STXBP6: variants seen among roughly 807,000 people sequenced by gnomAD.
The protein encoded by STXBP6 is syntaxin-binding protein 6.
STXBP6 carries 21 observed loss-of-function variants against 26.9 expected under a neutral mutation model. The observed-to-expected ratio is 0.78, with a 90% CI of 0.55 to 1.12. The LOEUF (loss-of-function observed/expected upper bound fraction) is 1.12, where lower values mean the gene tolerates loss of function less well. Ranked by LOEUF, STXBP6 falls within the 50% of genes most tolerant of loss-of-function variation. STXBP6 has a pLI of 0.00. For missense variants in STXBP6, 232 were observed against 257.9 expected (o/e 0.90, Z 0.69); for synonymous variants, 97 against 92.6 (o/e 1.05, Z -0.27).
At chr14:24,835,046 G>T (rs2068571875) in intron 4 of STXBP6, among the ~76,000 whole-genome samples, 1 of 152,192 alleles carries the variant, frequency 6.6e-6, no homozygotes, top group Non-Finnish European at 1.5e-5. Flanking sequence ...CTTACAGTTA[G>T]ATTGGTCATA....
Position 24,891,902 on chromosome 14 carries a change from C to T in STXBP6, c.155-34745G>A, listed in dbSNP as rs918231864. 3.9e-5 allele frequency among the ~76,000 whole-genome samples: 6 copies of T among 152,204 alleles called. No homozygotes were observed. The East Asian group carries it at 9.6e-4, about 24-fold the overall frequency. ...TCCTCTTCCTGGAATGACTTTCCTG[C>T]TCTTTCACTTTTTGTTAACCCCCAT... On this transcript the variant is annotated intron_variant, in intron 2 of 5. Coordinates refer to ENST00000323944, the MANE Select transcript of STXBP6 (RefSeq NM_001394410.1).
intron 2 of STXBP6, among the ~76,000 whole-genome samples, chr14:24,871,264 G>A (rs1005419676): frequency 1.3e-5 from 2 of 152,140 alleles, no homozygotes; most frequent in African/African-American, 4.8e-5. Context: ...AATCAAAGTA[G>A]AGCTAGGTGT....
intron 1 of STXBP6, among the ~76,000 whole-genome samples, chr14:24,981,431 C>T (rs113352098): frequency 6.6e-6 from 1 of 151,942 alleles, no homozygotes; most frequent in Non-Finnish European, 1.5e-5. Context: ...TCACCATGCC[C>T]GGCTAATTTT....
At chr14:24,963,712 T>G (rs1480517148) in intron 2 of STXBP6, among the ~76,000 whole-genome samples, 3 of 152,198 alleles carry the variant, frequency 2.0e-5, no homozygotes, top group African/African-American at 7.2e-5. Context: ...AAATGAACTC[T>G]TTCTTCAAGA....
At chr14:24,927,410 T>C (rs1209219257) in intron 2 of STXBP6, among the ~76,000 whole-genome samples, 2 of 152,104 alleles carry the variant, frequency 1.3e-5, no homozygotes, top group Non-Finnish European at 2.9e-5. Context: ...TAAAATAGAG[T>C]GAAGTGGAAA....
rs1355516188 is a variant in STXBP6, at chr14:25,049,480, TC to T, written c.-33+397del. On this transcript the variant is annotated intron_variant, in intron 1 of 5. Transcript: ENST00000323944. This position sits in a 1 kb window ranked among gnomAD's most constrained non-coding sequence, Gnocchi z 5.6. ...AGCTAGAGGCGCAGCGACCCCGAGC[TC>T]CCCCACACTGGGAGCCTCGGGGCAG... The T allele has an allele frequency of 2.0e-6, 2 of 984,250 alleles. No individual in the cohort carries two copies. Among genetic ancestry groups the T allele is most frequent in the South Asian group, 4.7e-5 (1 of 21,226 alleles). 61.0% of individuals were successfully genotyped at this position (984,250 alleles called of 1,614,324 possible).
intron 2 of STXBP6, among the ~76,000 whole-genome samples, chr14:24,911,375 A>G (rs2071567138): frequency 6.7e-6 from 1 of 148,554 alleles, no homozygotes; most frequent in Non-Finnish European, 1.5e-5. Context: ...GGAAAGAAAG[A>G]AGAGAGAGAG....
chr14:24,845,048 G>A (rs1372569476), intron 4 of STXBP6, among the ~76,000 whole-genome samples: 1 of 147,042 alleles, frequency 6.8e-6, no homozygotes, highest in Non-Finnish European at 1.5e-5. Flanking sequence ...GTCTCACTCT[G>A]TCGCCCAGGC....
intron 2 of STXBP6, among the ~76,000 whole-genome samples, chr14:24,910,685 G>C (rs2071540309): frequency 6.6e-6 from 1 of 152,174 alleles, no homozygotes; most frequent in Non-Finnish European, 1.5e-5. Flanking sequence ...TAGCTACTAA[G>C]ACCTAAGTTT....
In STXBP6 at chr14:25,029,235, A is replaced by G. The variant is rs1172898703; in HGVS notation, c.-33+20643T>C. On this transcript the variant is annotated intron_variant, in intron 1 of 5. Coordinates refer to ENST00000323944, the MANE Select transcript of STXBP6 (RefSeq NM_001394410.1). ...TGCAGGGAAATCTTACACGGAAGGA[A>G]GAGTCAATCAATGCAGCAAACTTCA... Among the ~76,000 whole-genome samples, 2 of 152,158 alleles carry G rather than the reference A, an allele frequency of 1.3e-5. 1 individual carries two copies. Among genetic ancestry groups the G allele is most frequent in the African/African-American group, 4.8e-5 (2 of 41,402 alleles).
At chr14:24,873,174 T>G (rs1374076819) in intron 2 of STXBP6, among the ~76,000 whole-genome samples, 1 of 152,178 alleles carries the variant, frequency 6.6e-6, no homozygotes, top group African/African-American at 2.4e-5. Flanking sequence ...TAAGCCTCCC[T>G]CAAATAAAAA....
intron 2 of STXBP6, among the ~76,000 whole-genome samples, chr14:24,925,812 C>A (rs565021628): frequency 1.3e-5 from 2 of 152,194 alleles, no homozygotes; most frequent in Non-Finnish European, 2.9e-5. Flanking sequence ...TAATTTCTAA[C>A]TCCCCCCTAC....
intron 4 of STXBP6, among the ~76,000 whole-genome samples, chr14:24,841,249 A>T (rs1297409956): frequency 6.6e-6 from 1 of 152,162 alleles, no homozygotes; most frequent in Non-Finnish European, 1.5e-5. Context: ...ATTGACAGTT[A>T]TTTCTGGAAC....
At chr14:24,913,509 C>T (rs150192496) in intron 2 of STXBP6, among the ~76,000 whole-genome samples, 33 of 152,198 alleles carry the variant, frequency 2.2e-4, no homozygotes, top group African/African-American at 7.5e-4. Context: ...ACAACAACAA[C>T]AACAACAAAG....
At position 25,005,859 on chromosome 14, in the gene STXBP6, A is replaced by G. The variant is rs113960390; in HGVS notation, c.-32-31009T>C. ...AAGAAAATTCAACATGTAAAAATGT[A>G]TATTACAGGGAAAGATTTTGGACAA... On this transcript the variant is annotated intron_variant, in intron 1 of 5. Transcript: ENST00000323944. Among the ~76,000 whole-genome samples the G allele has an allele frequency of 2.3e-3, 352 of 152,268 alleles. 2 individuals are homozygous for G. The highest frequency in any genetic ancestry group is 7.6e-3 in the African/African-American group (317 of 41,572).
intron 2 of STXBP6, among the ~76,000 whole-genome samples, chr14:24,869,166 G>A (rs1235940645): frequency 6.6e-6 from 1 of 152,018 alleles, no homozygotes; most frequent in Non-Finnish European, 1.5e-5. Context: ...TGTATGTACT[G>A]GTGACTGTGA....
intron 1 of STXBP6, among the ~76,000 whole-genome samples, chr14:25,037,465 G>A (rs1018812601): frequency 6.6e-6 from 1 of 152,206 alleles, no homozygotes; most frequent in Non-Finnish European, 1.5e-5. Flanking sequence ...ACTCAAAACA[G>A]ATTAAAAGAC....
intron 2 of STXBP6, among the ~76,000 whole-genome samples, chr14:24,882,416 A>AAAAAAAAAAG (rs2070405874): frequency 9.2e-6 from 1 of 108,692 alleles, no homozygotes; most frequent in African/African-American, 3.3e-5. Flanking sequence ...AAAAAAAAAG[A>AAAAAAAAAAG]GGGGCTTTCC....
chr14:24,830,182 G>A (rs1219003213), intron 4 of STXBP6, among the ~76,000 whole-genome samples: 1 of 151,966 alleles, frequency 6.6e-6, no homozygotes, highest in Non-Finnish European at 1.5e-5. Context: ...ATTAGATAGG[G>A]GCTTATAGAC....
Sources: allele counts gnomAD v4.1 joint callset (sites outside exome capture counted in the v4.1 genomes callset), GRCh38; gene constraint gnomAD v4.1.1; non-coding constraint Gnocchi (gnomAD v3.1); transcripts MANE v1.5; gene names NCBI Gene and HGNC (gene_info 2026-07-23, HGNC 2026-07-21).